The following SOCS6 variants were observed in gnomAD, a reference collection of about 807,000 sequenced individuals.
The protein encoded by SOCS6 is suppressor of cytokine signaling 6.
Under a neutral mutation model 27.7 loss-of-function variants are expected in SOCS6, and 5 were observed. The ratio of observed to expected loss-of-function variants is 0.18; its 90% CI spans 0.09 to 0.38. The LOEUF is 0.38. Among genes scored for constraint, SOCS6 ranks in the 10% least tolerant of loss-of-function variants. SOCS6 has a pLI of 1.00. For synonymous variants in SOCS6, 271 were observed against 260.0 expected, an observed-to-expected ratio of 1.04 and a Z score of -0.41; for missense variants, 595 against 688.1, an observed-to-expected ratio of 0.86 and a Z score of 1.51.
chr18:70,325,600 C>CA lies in SOCS6; in HGVS notation c.933dup (p.Pro312ThrfsTer9), dbSNP rs748326275. 1 of 1,614,078 alleles carries CA rather than the reference C, an allele frequency of 6.2e-7. No individual in the cohort carries two copies. Among genetic ancestry groups the CA allele is most frequent in the African/African-American group, 1.3e-5 (1 of 74,940 alleles). On this transcript the variant is annotated frameshift_variant, in exon 2 of 2. Transcript: ENST00000397942. LOFTEE classifies it high-confidence loss of function. The surrounding 1 kb of genome is among the most constrained non-coding windows in gnomAD (Gnocchi z 6.3). Reference sequence around the variant, plus strand: ...GGTCACGATGATGTCCCTCCACTCTCACCATTGCTACCTCCAATGCAGAAT... The same window carrying CA: ...GGTCACGATGATGTCCCTCCACTCTCAACCATTGCTACCTCCAATGCAGAAT...
At chr18:70,308,767 T>C (rs1360826807) in intron 1 of SOCS6, among the ~76,000 whole-genome samples, 1 of 152,210 alleles carries the variant, frequency 6.6e-6, no homozygotes. Context: ...GTGTTTACAA[T>C]TGCTGTGTCT....
intron 1 of SOCS6, among the ~76,000 whole-genome samples, chr18:70,308,303 G>A (rs76444089): frequency 0.044 from 6,708 of 152,178 alleles, 512 homozygotes; most frequent in African/African-American, 0.15. Context: ...TGCAGCCTCA[G>A]CACTCCTGGG....
chr18:70,317,272 A>G (rs1014801577), intron 1 of SOCS6, among the ~76,000 whole-genome samples: 1 of 152,112 alleles, frequency 6.6e-6, no homozygotes, highest in Non-Finnish European at 1.5e-5. Flanking sequence ...CTCATAACTT[A>G]GCTCGCACTT....
rs1222215313 is a variant in SOCS6 at position 70,324,869 on chromosome 18, A to C, written c.201A>C (p.Arg67Ser). 6.2e-7 allele frequency: 1 copy of C among 1,614,066 alleles called. No individual in the cohort carries two copies. Among genetic ancestry groups the C allele is most frequent in the Non-Finnish European group, 8.5e-7 (1 of 1,180,044 alleles). Residue 67 changes from arginine to serine, a missense_variant, in exon 2 of 2, where the codon AGA becomes AGC. By Grantham distance (110) the Arg-to-Ser change is moderately radical (BLOSUM62 -1). This residue lies in a region of SOCS6 where 467 missense variants were observed against 481.1 expected (regional missense o/e 0.97). Transcript: ENST00000397942. ...AAGATGAAAAAGGCGGAAAAAACAG[A>C]TCAAAAAGCGAGAGCCTGATGGGTA... is the stretch of plus-strand genomic sequence containing the variant. ...NGEDEKGGKN[R>S]SKSESLMGTL...
At chr18:70,294,174 TTAACAC>T (rs1048457686) in intron 1 of SOCS6, among the ~76,000 whole-genome samples, 2 of 152,014 alleles carry the variant, frequency 1.3e-5, no homozygotes, top group Admixed American at 6.6e-5. Flanking sequence ...TGCTAATACT[TTAACAC>T]TAGTATTCTA....
chr18:70,325,139 C>T lies in SOCS6; in HGVS notation c.471C>T (p.Ala157=), dbSNP rs201791210. Residue 157 remains alanine, a synonymous_variant, in exon 2 of 2, where the codon GCC becomes GCT. Transcript: ENST00000397942. The surrounding 1 kb of genome is among the most constrained non-coding windows in gnomAD (Gnocchi z 6.3). ...TCAAGATGGAGGTGAGAGTCAAGGC[C>T]TTGGTTCACTCTTCCAGCCCGAGTC... ...TCIKMEVRVK[A]LVHSSSPSPA... 1.4e-4 allele frequency: 222 copies of T among 1,614,186 alleles called. No individual in the cohort carries two copies. Among genetic ancestry groups the T allele is most frequent in the Non-Finnish European group, 1.7e-4 (206 of 1,180,036 alleles).
At chr18:70,302,897 G>T (rs1489627855) in intron 1 of SOCS6, among the ~76,000 whole-genome samples, 1 of 152,024 alleles carries the variant, frequency 6.6e-6, no homozygotes, top group African/African-American at 2.4e-5. Context: ...AAACCCAATA[G>T]TCTCATCTTT....
chr18:70,292,346 T>C (rs920806935), intron 1 of SOCS6, among the ~76,000 whole-genome samples: 1 of 152,204 alleles, frequency 6.6e-6, no homozygotes, highest in Non-Finnish European at 1.5e-5. Flanking sequence ...TCCAAACTCT[T>C]GTTTTGTTTT....
At chr18:70,319,612 A>C (rs1176223755) in intron 1 of SOCS6, among the ~76,000 whole-genome samples, 1 of 32,624 alleles carries the variant, frequency 3.1e-5, no homozygotes, top group Non-Finnish European at 5.6e-5. Flanking sequence ...CTTCAGTAAA[A>C]AAAAAAAAAA....
Position 70,289,677 on chromosome 18 carries a change from C to T in SOCS6, c.-127+587C>T, listed in dbSNP as rs558207395. On this transcript the variant is annotated intron_variant, in intron 1 of 1. Coordinates refer to ENST00000397942, the MANE Select transcript of SOCS6 (RefSeq NM_004232.4). ...GGCGCGGCGCTGGGACTCGGGGACG[C>T]CCCCGCCCCACCGCGAGGTCGCGCC... 6.5e-3 allele frequency among the ~76,000 whole-genome samples: 981 copies of T among 150,702 alleles called. 5 individuals carry two copies. The highest frequency in any genetic ancestry group is 0.011 in the Non-Finnish European group (715 of 67,504).
chr18:70,316,695 G>A (rs563725076), intron 1 of SOCS6, among the ~76,000 whole-genome samples: 9 of 151,742 alleles, frequency 5.9e-5, no homozygotes, highest in African/African-American at 1.9e-4. Context: ...TTTTCTGTTA[G>A]AGGACTCTTT....
chr18:70,297,806 A>C (rs955052856), intron 1 of SOCS6, among the ~76,000 whole-genome samples: 6 of 152,220 alleles, frequency 3.9e-5, no homozygotes, highest in Non-Finnish European at 8.8e-5. Flanking sequence ...TGTACATTTA[A>C]TAACAAATTT....
In SOCS6 at chr18:70,324,744, G is replaced by A; in HGVS notation, c.76G>A (p.Val26Ile). The change falls in exon 2 of 2, where the codon GTA becomes ATA. Residue 26 changes from valine (V) to isoleucine (I), a missense_variant. Coordinates refer to ENST00000397942, the MANE Select transcript of SOCS6 (RefSeq NM_004232.4). ...AAGTAAAGAAGAAACTGATTTCATGGTAGTACAACAACCATCGCTAGCCAG... is the reference window on the plus strand; with the variant it reads ...AAGTAAAGAAGAAACTGATTTCATGATAGTACAACAACCATCGCTAGCCAG... The part of the protein sequence containing the change: ...NKSKEETDFM[V>I]VQQPSLASDF... The A allele has an allele frequency of 6.2e-7, 1 of 1,612,814 alleles. No individual in the cohort carries two copies. Among genetic ancestry groups the A allele is most frequent in the Non-Finnish European group, 8.5e-7 (1 of 1,178,878 alleles).
chr18:70,318,003 A>G (rs763207210), intron 1 of SOCS6, among the ~76,000 whole-genome samples: 8 of 152,242 alleles, frequency 5.3e-5, no homozygotes, highest in Non-Finnish European at 8.8e-5. Context: ...GCAAGCACAC[A>G]CTATCACACC....
At chr18:70,317,660 A>G (rs2062418643) in intron 1 of SOCS6, among the ~76,000 whole-genome samples, 3 of 151,366 alleles carry the variant, frequency 2.0e-5, no homozygotes, top group East Asian at 1.9e-4. Flanking sequence ...TCGTGCTGCT[A>G]TGTGTGTGCC....
chr18:70,314,588 A>C (rs1489821224), intron 1 of SOCS6, among the ~76,000 whole-genome samples: 2 of 152,224 alleles, frequency 1.3e-5, no homozygotes, highest in African/African-American at 4.8e-5. Context: ...TAAGCTATAC[A>C]ATCACAGTTT....
chr18:70,329,448 T>C lies in SOCS6; in HGVS notation c.*3172T>C, dbSNP rs997674153. The C allele has an allele frequency of 1.8e-5, 3 of 167,122 alleles. No individual in the cohort carries two copies. Among genetic ancestry groups the C allele is most frequent in the African/African-American group, 7.2e-5 (3 of 41,476 alleles). 10.4% of individuals were successfully genotyped at this position (167,122 alleles called of 1,614,324 possible). A position where few individuals can be genotyped will look rare whatever the true frequency, so the allele number is the denominator to read the frequency against. On this transcript the variant is annotated 3_prime_UTR_variant, in exon 2 of 2. Transcript: ENST00000397942. ...TAAAATCTAACATAGGTTAATGCAA[T>C]GTCTCTGCTAGTGCTACAAGTCTAA...
chr18:70,325,609 T>A lies in SOCS6; in HGVS notation c.941T>A (p.Leu314Gln). ...GATGTCCCTCCACTCTCACCATTGC[T>A]ACCTCCAATGCAGAATAATCAAATC... is the stretch of plus-strand genomic sequence containing the variant. ...HDDVPPLSPL[L>Q]PPMQNNQIQR... Residue 314 changes from leucine (L) to glutamine (Q), a missense_variant, in exon 2 of 2, where the codon CTA (leucine) becomes CAA (glutamine). Leu to Gln is a moderately radical substitution (Grantham distance 113, BLOSUM62 -2). Around this residue, in one of 2 missense-constraint regions of SOCS6, gnomAD observed 467 missense variants for 481.1 expected, o/e 0.97. Transcript: ENST00000397942. This position sits in a 1 kb window ranked among gnomAD's most constrained non-coding sequence, Gnocchi z 6.3. 1 of 1,614,184 alleles carries A rather than the reference T, an allele frequency of 6.2e-7. No homozygotes were observed.
rs1405668348 is a variant in SOCS6, at chr18:70,325,930, G to C, written c.1262G>C (p.Ser421Thr). The change falls in exon 2 of 2, where the codon AGC becomes ACC. Residue 421 changes from serine to threonine, a missense_variant. Around this residue, in one of 2 missense-constraint regions of SOCS6, gnomAD observed 128 missense variants for 207.0 expected, o/e 0.62. Transcript: ENST00000397942. This position sits in a 1 kb window ranked among gnomAD's most constrained non-coding sequence, Gnocchi z 6.3. ...GACGACCGTTACCTTTTAAGCTTGA[G>C]CTTTCGCTCCCATGGTAAAACACTT... Reference protein sequence around the residue: ...SSDDRYLLSLSFRSHGKTLHT... With the variant: ...SSDDRYLLSLTFRSHGKTLHT... The C allele has an allele frequency of 1.2e-6, 2 of 1,614,114 alleles. No individual in the cohort carries two copies. Among genetic ancestry groups the C allele is most frequent in the Middle Eastern group, 1.6e-4 (1 of 6,084 alleles).
Sources: gnomAD v4.1 joint callset for allele counts (sites outside exome capture counted in the v4.1 genomes callset) on GRCh38, gnomAD v4.1.1 for gene constraint, gnomAD v4.1.1 regional missense constraint, Gnocchi (gnomAD v3.1) non-coding constraint, MANE v1.5 for transcripts, NCBI Gene and HGNC (gene_info 2026-07-23, HGNC 2026-07-21) for gene names.